Variants in RBFOX1 observed in about 807,000 individuals in gnomAD.
RBFOX1 encodes the protein RNA binding fox-1 homolog 1.
Under a neutral mutation model 57.7 loss-of-function variants are expected in RBFOX1, and 8 were observed. The observed-to-expected ratio is 0.14, with a 90% CI of 0.08 to 0.25. The LOEUF (loss-of-function observed/expected upper bound fraction) is 0.25. RBFOX1 is among the 10% of genes least tolerant of loss of function. The probability of loss-of-function intolerance (pLI) is 1.00; values close to 1 mark genes in which losing one functional copy is unlikely to be tolerated. For missense variants in RBFOX1, 611 were observed against 548.5 expected, an observed-to-expected ratio of 1.11 and a Z score of -1.14; for synonymous variants, 326 against 222.4, an observed-to-expected ratio of 1.47 and a Z score of -4.15.
chr16:5,821,305 T>A (rs1296374786), intron 3 of RBFOX1, among the ~76,000 whole-genome samples: 7 of 147,946 alleles, frequency 4.7e-5, no homozygotes, highest in African/African-American at 1.0e-4. Context: ...TATTTTTTTT[T>A]TTTTTTTTGA....
At chr16:6,621,202 C>A (rs548211681) in intron 2 of RBFOX1, among the ~76,000 whole-genome samples, 26 of 152,354 alleles carry the variant, frequency 1.7e-4, no homozygotes, top group East Asian at 9.7e-4. Flanking sequence ...TGGCTCACGC[C>A]TGTATTCCCA....
Position 7,168,681 on chromosome 16 carries a change from T to A in RBFOX1, c.27+116583T>A, listed in dbSNP as rs548262974. Among the ~76,000 whole-genome samples, 5 of 152,298 alleles carry A rather than the reference T, an allele frequency of 3.3e-5. No homozygotes were observed. The East Asian group carries it at 9.6e-4, about 29-fold the overall frequency. On this transcript the variant is annotated intron_variant, in intron 4 of 15. Coordinates refer to ENST00000550418, the MANE Select transcript of RBFOX1 (RefSeq NM_018723.4). ...TCCACCACTTCTAGCCATAACTTCCTTTCCTTCCTGTTACAAATTTTCTTC... is the reference window on the plus strand; with the variant it reads ...TCCACCACTTCTAGCCATAACTTCCATTCCTTCCTGTTACAAATTTTCTTC...
chr16:7,413,035 C>T (rs951640585), intron 4 of RBFOX1, among the ~76,000 whole-genome samples: 1 of 151,394 alleles, frequency 6.6e-6, no homozygotes, highest in African/African-American at 2.4e-5. Context: ...GAGCGAGACT[C>T]CGTCTCAAAA....
At chr16:6,982,559 G>A (rs2153593016) in intron 3 of RBFOX1, among the ~76,000 whole-genome samples, 1 of 152,292 alleles carries the variant, frequency 6.6e-6, no homozygotes, top group East Asian at 1.9e-4. Context: ...GAATCTCCCT[G>A]TTAGTAGTTC....
At chr16:6,797,397 C>T (rs1017795293) in intron 3 of RBFOX1, among the ~76,000 whole-genome samples, 9 of 151,770 alleles carry the variant, frequency 5.9e-5, no homozygotes, top group South Asian at 2.1e-4. Flanking sequence ...AAAGAGAGAG[C>T]GAGAGAAAGG....
At chr16:6,868,736 G>C (rs1158921516) in intron 3 of RBFOX1, among the ~76,000 whole-genome samples, 3 of 152,156 alleles carry the variant, frequency 2.0e-5, no homozygotes, top group African/African-American at 4.8e-5. Context: ...CTCTGAAAGT[G>C]CTGAGATTAT....
At chr16:6,705,178 A>G (rs757255157) in intron 3 of RBFOX1, 4 of 152,150 alleles carry the variant, frequency 2.6e-5, no homozygotes, top group Non-Finnish European at 5.9e-5. Flanking sequence ...CAGCCCAGCC[A>G]TTGCTCTATG....
intron 1 of RBFOX1, among the ~76,000 whole-genome samples, chr16:5,436,089 G>T (rs1028155346): frequency 3.3e-5 from 5 of 152,196 alleles, no homozygotes; most frequent in African/African-American, 1.2e-4. Flanking sequence ...CCCAGTGGGA[G>T]CAATCCAGGA....
intron 4 of RBFOX1, among the ~76,000 whole-genome samples, chr16:7,417,063 T>C (rs8046929): frequency 0.78 from 118,305 of 151,972 alleles, 47,026 homozygotes; most frequent in African/African-American, 0.94. Flanking sequence ...TCATTTATAT[T>C]TAATTTTAAG....
chr16:7,007,559 C>G (rs1002445666), intron 3 of RBFOX1, among the ~76,000 whole-genome samples: 1 of 152,056 alleles, frequency 6.6e-6, no homozygotes. Context: ...CATAAATTTG[C>G]CTACTGTACA....
At chr16:6,778,088 G>A (rs2079692533) in intron 3 of RBFOX1, among the ~76,000 whole-genome samples, 2 of 152,150 alleles carry the variant, frequency 1.3e-5, no homozygotes, top group Non-Finnish European at 2.9e-5. Context: ...TAGATTGAAA[G>A]TGGGATGCAC....
chr16:6,875,430 G>T (rs1005095236), intron 3 of RBFOX1, among the ~76,000 whole-genome samples: 1 of 152,086 alleles, frequency 6.6e-6, no homozygotes, highest in East Asian at 1.9e-4. Context: ...GCAATGTGTG[G>T]CTTCTTCCCA....
At chr16:7,520,356 C>T (rs922011201) in intron 5 of RBFOX1, among the ~76,000 whole-genome samples, 1 of 152,108 alleles carries the variant, frequency 6.6e-6, no homozygotes, top group African/African-American at 2.4e-5. Flanking sequence ...AAACCACCAC[C>T]ATTATCTAGT....
At chr16:6,909,173 A>G (rs1199941309) in intron 3 of RBFOX1, among the ~76,000 whole-genome samples, 2 of 152,030 alleles carry the variant, frequency 1.3e-5, no homozygotes, top group Non-Finnish European at 2.9e-5. Context: ...TTTCTTCTGG[A>G]GGTTCTTTGG....
intron 1 of RBFOX1, among the ~76,000 whole-genome samples, chr16:6,303,272 C>T (rs552021925): frequency 1.3e-5 from 2 of 152,114 alleles, no homozygotes; most frequent in South Asian, 2.1e-4. Flanking sequence ...TCTGAGACAT[C>T]TTCCCGGGTC....
At chr16:5,388,474 A>G (rs2066314301) in intron 1 of RBFOX1, among the ~76,000 whole-genome samples, 1 of 152,136 alleles carries the variant, frequency 6.6e-6, no homozygotes, top group South Asian at 2.1e-4. Context: ...ACACATGAAA[A>G]TGATTGCTAG....
At chr16:6,769,876 G>A (rs1033104911) in intron 3 of RBFOX1, among the ~76,000 whole-genome samples, 2 of 152,154 alleles carry the variant, frequency 1.3e-5, no homozygotes, top group Admixed American at 6.5e-5. Context: ...TGTTTGGAGC[G>A]ATTTGAAATC....
chr16:6,630,345 A>C (rs146784449), intron 2 of RBFOX1, among the ~76,000 whole-genome samples: 1 of 152,332 alleles, frequency 6.6e-6, no homozygotes, highest in East Asian at 1.9e-4. Context: ...CCATCCATCC[A>C]TGCATCCATC....
chr16:6,812,233 A>G lies in RBFOX1; in HGVS notation c.-16+157583A>G, dbSNP rs75824482. Among the ~76,000 whole-genome samples the G allele has an allele frequency of 2.8e-3, 420 of 152,294 alleles. 3 individuals are homozygous for G. The highest frequency in any genetic ancestry group is 9.7e-3 in the African/African-American group (404 of 41,560). ...TATCTGTGAATATTAAGCTCCTCAC[A>G]TTTCCTGTTTTGTTAAGAAATTTGT... On this transcript the variant is annotated intron_variant, in intron 3 of 15. Coordinates refer to ENST00000550418, the MANE Select transcript of RBFOX1 (RefSeq NM_018723.4).
Sources: gnomAD v4.1 joint callset for allele counts (sites outside exome capture counted in the v4.1 genomes callset) on GRCh38, gnomAD v4.1.1 for gene constraint, MANE v1.5 for transcripts, NCBI Gene and HGNC (gene_info 2026-07-23, HGNC 2026-07-21) for gene names.